Variants in HFM1 observed in about 807,000 individuals in gnomAD.
HFM1 encodes the protein helicase for meiosis 1.
HFM1 carries 169 observed loss-of-function variants against 192.1 expected under a neutral mutation model. That is an observed-to-expected ratio of 0.88 (90% CI 0.78 to 1.00). The LOEUF (loss-of-function observed/expected upper bound fraction) is 1.00, where lower values mean the gene tolerates loss of function less well. Among genes scored for constraint, HFM1 ranks in the 50% least tolerant of loss-of-function variants. The probability of loss-of-function intolerance (pLI) is 0.00; values close to 1 mark genes in which losing one functional copy is unlikely to be tolerated. For missense variants in HFM1, 1,661 were observed against 1,668.0 expected (o/e 1.00, Z 0.07); for synonymous variants, 525 against 537.8 (o/e 0.98, Z 0.33).
At chr1:91,343,230 C>CGA (rs570840672) in intron 20 of HFM1, among the ~76,000 whole-genome samples, 200 bp downstream of exon 20, 2 of 74,912 alleles carry the variant, frequency 2.7e-5, no homozygotes, top group Non-Finnish European at 4.7e-5. Flanking sequence ...GACTCTGTCT[C>CGA]AAAAAAAAAA....
At chr1:91,346,332 A>G (rs915839910) in intron 19 of HFM1, among the ~76,000 whole-genome samples, 17 of 152,176 alleles carry the variant, frequency 1.1e-4, no homozygotes, top group African/African-American at 4.1e-4. Context: ...TTTGATCATT[A>G]TTTTCAAAAT....
intron 28 of HFM1, among the ~76,000 whole-genome samples, chr1:91,315,383 T>C (rs1028934208): frequency 1.3e-5 from 2 of 152,230 alleles, no homozygotes; most frequent in South Asian, 4.1e-4. Flanking sequence ...ACCTCCTCTA[T>C]ACATTTGCTT....
intron 30 of HFM1, among the ~76,000 whole-genome samples, chr1:91,283,547 C>T (rs1295529361): frequency 6.6e-6 from 1 of 152,108 alleles, no homozygotes; most frequent in Non-Finnish European, 1.5e-5. Context: ...GTCACTGTGC[C>T]CAGCCTAAGC....
chr1:91,294,861 C>T (rs1197894640), intron 30 of HFM1, among the ~76,000 whole-genome samples: 2 of 152,108 alleles, frequency 1.3e-5, no homozygotes, highest in Non-Finnish European at 2.9e-5. Flanking sequence ...CTGGTATATA[C>T]CTAGAAGCAG....
At chr1:91,316,029 G>T (rs1245358394) in intron 27 of HFM1, 57 bp from the exon 28 acceptor site, 8 of 1,468,866 alleles carry the variant, frequency 5.4e-6, no homozygotes, top group Non-Finnish European at 7.6e-6. Flanking sequence ...CTCATACTCA[G>T]CTGAAGCCTA....
intron 13 of HFM1, among the ~76,000 whole-genome samples, chr1:91,361,530 A>G (rs1214325345): frequency 6.6e-6 from 1 of 152,186 alleles, no homozygotes; most frequent in Non-Finnish European, 1.5e-5. Context: ...GAGCAGACCA[A>G]TAATGAGTTC....
chr1:91,346,756 T>G (rs12145910), intron 19 of HFM1, among the ~76,000 whole-genome samples: 2,333 of 152,272 alleles, frequency 0.015, 28 homozygotes, highest in Non-Finnish European at 0.021. Flanking sequence ...TAGGAATACA[T>G]CTTTGGCACA....
At chr1:91,289,852 A>AAGAGGGAGAGGG (rs1668521245) in intron 30 of HFM1, among the ~76,000 whole-genome samples, 1 of 152,004 alleles carries the variant, frequency 6.6e-6, no homozygotes, top group African/African-American at 2.4e-5. Context: ...AGACCGTGCA[A>AAGAGGGAGAGGG]AGAGGGAGAG....
At chr1:91,320,248 A>T (rs1651890060) in intron 23 of HFM1, among the ~76,000 whole-genome samples, 1 of 152,256 alleles carries the variant, frequency 6.6e-6, no homozygotes, top group South Asian at 2.1e-4. Context: ...GTTATATTTC[A>T]TGATTTCGTT....
rs1651747673 is a variant in HFM1 at position 91,319,400 on chromosome 1, A to AC, written c.2583-11_2583-10insG. 6.4e-7 allele frequency: 1 copy of AC among 1,573,804 alleles called. No homozygotes were observed. ...TTGAGCCTGAATAAGACTGGGGGAA[A>AC]GAAAAAAAATTGTTACTCCCTTTTA... is the stretch of plus-strand genomic sequence containing the variant. On this transcript the variant is annotated splice_polypyrimidine_tract_variant and intron_variant, in intron 23 of 38. Coordinates refer to ENST00000370425, the MANE Select transcript of HFM1 (RefSeq NM_001017975.6).
At chr1:91,267,250 CT>C (rs1665854488) in intron 35 of HFM1, among the ~76,000 whole-genome samples, 1 of 151,378 alleles carries the variant, frequency 6.6e-6, no homozygotes, top group Non-Finnish European at 1.5e-5. Flanking sequence ...AGAAACTAAT[CT>C]TTCTTTCTTA....
At chr1:91,342,630 A>G (rs1044947838) in intron 20 of HFM1, among the ~76,000 whole-genome samples, 1 of 152,198 alleles carries the variant, frequency 6.6e-6, no homozygotes. Flanking sequence ...TTTCCTTATA[A>G]AGGCCCCCAT....
At chr1:91,383,473 AT>A (rs1661797824) in intron 6 of HFM1, among the ~76,000 whole-genome samples, 1 of 152,160 alleles carries the variant, frequency 6.6e-6, no homozygotes, top group Non-Finnish European at 1.5e-5. Flanking sequence ...TAACTCTCTT[AT>A]TGATCCCTCT....
chr1:91,303,401 T>C (rs1483936381), intron 30 of HFM1, among the ~76,000 whole-genome samples: 1 of 152,236 alleles, frequency 6.6e-6, no homozygotes, highest in African/African-American at 2.4e-5. Context: ...ACATTTTGCT[T>C]ATCTATTCAT....
At chr1:91,350,638 T>A (rs1296169767) in intron 18 of HFM1, 100 bp downstream of exon 18, 1 of 1,063,828 alleles carries the variant, frequency 9.4e-7, no homozygotes, top group Non-Finnish European at 1.4e-6. Flanking sequence ...TTTTGTTACC[T>A]ATTAGTTTCT....
chr1:91,306,240 G>C (rs957704216), intron 30 of HFM1, among the ~76,000 whole-genome samples: 21 of 152,144 alleles, frequency 1.4e-4, no homozygotes, highest in African/African-American at 5.1e-4. Flanking sequence ...GCTGAGACAG[G>C]AGAATAGCTT....
intron 20 of HFM1, chr1:91,338,899 G>A (rs1180946654): frequency 2.2e-6 from 1 of 455,652 alleles, no homozygotes; most frequent in African/African-American, 2.0e-5. Flanking sequence ...CCATTTAAGT[G>A]TGATTGCCAG....
chr1:91,291,989 C>G (rs1668818677), intron 30 of HFM1, among the ~76,000 whole-genome samples: 1 of 152,056 alleles, frequency 6.6e-6, no homozygotes, highest in Non-Finnish European at 1.5e-5. Context: ...AGGTCTTTGA[C>G]AAAATTCAAC....
chr1:91,327,914 A>G (rs1283793019), intron 20 of HFM1, among the ~76,000 whole-genome samples: 5 of 152,184 alleles, frequency 3.3e-5, no homozygotes, highest in African/African-American at 1.2e-4. Context: ...AAATTTTTTG[A>G]AACAAATGAT....
Sources: gnomAD v4.1 joint callset for allele counts (sites outside exome capture counted in the v4.1 genomes callset) on GRCh38, gnomAD v4.1.1 for gene constraint, MANE v1.5 for transcripts, NCBI Gene and HGNC (gene_info 2026-07-23, HGNC 2026-07-21) for gene names.